Variants in LRMDA observed in about 807,000 individuals in gnomAD.
LRMDA encodes the protein leucine-rich melanocyte differentiation-associated protein.
Under a neutral mutation model 29.8 loss-of-function variants are expected in LRMDA, and 18 were observed. That is an observed-to-expected ratio of 0.60 (90% confidence interval 0.42 to 0.90). The LOEUF is 0.90. Among genes scored for constraint, LRMDA ranks in the 40% least tolerant of loss-of-function variants. The pLI is 0.00. For synonymous variants in LRMDA, 125 were observed against 109.4 expected (o/e 1.14, Z -0.89); for missense variants, 273 against 273.9 (o/e 1.00, Z 0.02).
chr10:75,916,316 G>C (rs1589252270), intron 2 of LRMDA, among the ~76,000 whole-genome samples: 1 of 152,174 alleles, frequency 6.6e-6, no homozygotes, highest in East Asian at 1.9e-4. Context: ...AGGACATGCA[G>C]TGCCTGGCAG....
intron 5 of LRMDA, among the ~76,000 whole-genome samples, chr10:76,094,834 C>G (rs1426657827): frequency 6.6e-6 from 1 of 152,152 alleles, no homozygotes; most frequent in East Asian, 1.9e-4. Flanking sequence ...CTAACCACCC[C>G]CCAGTGCCCG....
rs114114290 is a variant in LRMDA, at chr10:75,989,562, C to T, written c.132-46446C>T. On this transcript the variant is annotated intron_variant, in intron 2 of 6. Transcript: ENST00000611255. Reference sequence around the variant, plus strand: ...CAATGTTGGGGATCACAATTTGACACGAGATTTTGTGGGGACACAGATCCA... The same window carrying T: ...CAATGTTGGGGATCACAATTTGACATGAGATTTTGTGGGGACACAGATCCA... Among the ~76,000 whole-genome samples the T allele has an allele frequency of 4.5e-3, 680 of 152,322 alleles. 4 individuals carry two copies. The highest frequency in any genetic ancestry group is 0.015 in the African/African-American group (637 of 41,572).
intron 5 of LRMDA, among the ~76,000 whole-genome samples, chr10:76,204,584 A>G (rs1012430695): frequency 2.0e-5 from 3 of 152,224 alleles, no homozygotes; most frequent in African/African-American, 7.2e-5. Flanking sequence ...CATTTACCCA[A>G]TGTCCTCAGA....
intron 5 of LRMDA, among the ~76,000 whole-genome samples, chr10:76,216,731 A>C (rs1002208666): frequency 2.6e-5 from 4 of 152,196 alleles, no homozygotes; most frequent in Non-Finnish European, 5.9e-5. Context: ...ATACTTTGCA[A>C]AATTTCTCTT....
intron 6 of LRMDA, among the ~76,000 whole-genome samples, chr10:76,410,827 G>A (rs1017422836): frequency 9.2e-5 from 14 of 152,056 alleles, no homozygotes; most frequent in Admixed American, 5.2e-4. Flanking sequence ...GGTGGTGAGC[G>A]CCTGTAATCC....
intron 2 of LRMDA, among the ~76,000 whole-genome samples, chr10:75,567,006 A>G (rs867997073): frequency 1.3e-5 from 2 of 152,048 alleles, no homozygotes; most frequent in African/African-American, 4.8e-5. Context: ...TTATACCTTC[A>G]TCATTGGCTT....
At chr10:75,504,629 A>G (rs1452012312) in intron 2 of LRMDA, among the ~76,000 whole-genome samples, 2 of 152,156 alleles carry the variant, frequency 1.3e-5, no homozygotes, top group African/African-American at 2.4e-5. Flanking sequence ...TCTGAAGGAT[A>G]GGTAGGACTT....
rs140159715 is a variant in LRMDA at position 76,229,258 on chromosome 10, A to G, written c.517-95143A>G. On this transcript the variant is annotated intron_variant, in intron 5 of 6. Transcript: ENST00000611255. ...AAAGGTACATAAATTTACTACAGGCATGGGGCATCACAAGAGACAGAGTGC... is the reference window on the plus strand; with the variant it reads ...AAAGGTACATAAATTTACTACAGGCGTGGGGCATCACAAGAGACAGAGTGC... Among the ~76,000 whole-genome samples the G allele has an allele frequency of 7.2e-5, 11 of 152,354 alleles. No homozygotes were observed. In the East Asian group the frequency reaches 2.1e-3, roughly 29 times the overall value.
At chr10:76,018,258 G>A (rs1191005509) in intron 2 of LRMDA, among the ~76,000 whole-genome samples, 3 of 152,190 alleles carry the variant, frequency 2.0e-5, no homozygotes, top group African/African-American at 7.2e-5. Context: ...GGCCTGTCCT[G>A]CATATTGTAT....
intron 6 of LRMDA, among the ~76,000 whole-genome samples, chr10:76,351,029 A>G (rs762810317): frequency 6.6e-6 from 1 of 152,154 alleles, no homozygotes; most frequent in Non-Finnish European, 1.5e-5. Context: ...AGAATTATAA[A>G]GTCAAACGTG....
rs370305198 is a variant in LRMDA at position 76,041,553 on chromosome 10, C to T, written c.258+5419C>T. Among the ~76,000 whole-genome samples, 32 of 152,298 alleles carry T rather than the reference C, an allele frequency of 2.1e-4. 1 individual carries two copies. In the East Asian group the frequency reaches 6.0e-3, roughly 29 times the overall value. ...GGATTAGCTGTGGTTAAAATCATCC[C>T]AGTGGTTATGGAGGTTGCCCTTTAA... On this transcript the variant is annotated intron_variant, in intron 3 of 6. Coordinates refer to ENST00000611255, the MANE Select transcript of LRMDA (RefSeq NM_001305581.2).
chr10:75,620,798 G>A (rs913564430), intron 2 of LRMDA, among the ~76,000 whole-genome samples: 6 of 152,042 alleles, frequency 3.9e-5, no homozygotes, highest in Non-Finnish European at 7.4e-5. Flanking sequence ...TGACTTTGTG[G>A]TCTCTATTCT....
At chr10:76,360,831 G>A (rs1564519887) in intron 6 of LRMDA, among the ~76,000 whole-genome samples, 1 of 152,106 alleles carries the variant, frequency 6.6e-6, no homozygotes, top group African/African-American at 2.4e-5. Flanking sequence ...CTGATTCTGG[G>A]TACTCTTTTA....
intron 2 of LRMDA, among the ~76,000 whole-genome samples, chr10:75,816,503 C>T (rs1161545097): frequency 6.6e-6 from 1 of 152,046 alleles, no homozygotes; most frequent in Non-Finnish European, 1.5e-5. Flanking sequence ...TTTGTTGCTT[C>T]CAAAAGAAGA....
chr10:75,997,561 C>T (rs1409866634), intron 2 of LRMDA, among the ~76,000 whole-genome samples: 2 of 150,672 alleles, frequency 1.3e-5, no homozygotes, highest in South Asian at 2.1e-4. Context: ...GTCTAGTTTT[C>T]GAGGACTATT....
intron 2 of LRMDA, among the ~76,000 whole-genome samples, chr10:75,955,652 T>C (rs900381741): frequency 1.3e-5 from 2 of 152,220 alleles, no homozygotes; most frequent in Admixed American, 1.3e-4. Context: ...TAAACTATAG[T>C]GCCTCAAATT....
chr10:76,468,368 G>T (rs10762726), intron 6 of LRMDA, among the ~76,000 whole-genome samples: 104,602 of 152,134 alleles, frequency 0.69, 37,525 homozygotes, highest in Non-Finnish European at 0.81. Flanking sequence ...AACAAATGTC[G>T]TTTAATCACT....
intron 2 of LRMDA, among the ~76,000 whole-genome samples, chr10:75,482,002 G>C (rs1211385512): frequency 6.6e-6 from 1 of 152,166 alleles, no homozygotes; most frequent in Non-Finnish European, 1.5e-5. Context: ...TCCGTTAGGT[G>C]TTCTCATAAC....
chr10:76,336,289 C>A (rs777553243), intron 6 of LRMDA, among the ~76,000 whole-genome samples: 3 of 152,172 alleles, frequency 2.0e-5, no homozygotes, highest in Non-Finnish European at 4.4e-5. Flanking sequence ...TCACCTTGAC[C>A]CTCCTGGACT....
Sources: allele counts gnomAD v4.1 joint callset (sites outside exome capture counted in the v4.1 genomes callset), GRCh38; gene constraint gnomAD v4.1.1; transcripts MANE v1.5; gene names NCBI Gene and HGNC (gene_info 2026-07-23, HGNC 2026-07-21).